CUX1: variants seen among roughly 807,000 people sequenced by gnomAD.
CUX1 encodes protein CASP.
Under a neutral mutation model 158.8 loss-of-function variants are expected in CUX1, and 31 were observed. The observed-to-expected ratio is 0.20, with a 90% CI of 0.15 to 0.26. The LOEUF is 0.26. Ranked by LOEUF, CUX1 falls within the 10% of genes least tolerant of loss-of-function variation. The pLI is 1.00. For synonymous variants in CUX1, 879 were observed against 862.1 expected, an observed-to-expected ratio of 1.02 and a Z score of -0.34; for missense variants, 1,589 against 2,014.6, an observed-to-expected ratio of 0.79 and a Z score of 4.04.
At chr7:102,274,255 G>A in exon 16 of CUX1, 1 of 1,613,486 alleles carries the variant, frequency 6.2e-7, no homozygotes, top group Non-Finnish European at 8.5e-7. Context: ...GTGCCGCTGA[G>A]CACCGCCTGG....
intron 2 of CUX1, among the ~76,000 whole-genome samples, chr7:101,977,835 C>G (rs1249037400): frequency 6.6e-6 from 1 of 152,098 alleles, no homozygotes; most frequent in African/African-American, 2.4e-5. Flanking sequence ...CTAGGAATTT[C>G]AAGCTGCAAT....
At chr7:101,826,524 C>T (rs1013037880) in intron 1 of CUX1, among the ~76,000 whole-genome samples, 1 of 152,144 alleles carries the variant, frequency 6.6e-6, no homozygotes, top group Non-Finnish European at 1.5e-5. Flanking sequence ...TCATGCATTC[C>T]TTTTTCTTTT....
rs10633602 is a variant in CUX1, at chr7:102,117,397, C to CAA, written c.674+2145_674+2146dup. Among the ~76,000 whole-genome samples the CAA allele has an allele frequency of 1.7e-3, 81 of 46,592 alleles. 6 individuals carry two copies. The highest frequency in any genetic ancestry group is 6.4e-3 in the East Asian group (8 of 1,258). 30.6% of individuals were successfully genotyped at this position (46,592 alleles called of 152,430 possible). ...TGGGCTACAGAGCCAGACTCCATCG[C>CAA]AAAAAAAAAAAAAAAAAAAAAAGGT... On this transcript the variant is annotated intron_variant, in intron 8 of 23. Coordinates refer to ENST00000292535, the MANE Select transcript of CUX1 (RefSeq NM_181552.4).
At chr7:102,065,025 A>T (rs578135746) in intron 3 of CUX1, among the ~76,000 whole-genome samples, 2 of 152,172 alleles carry the variant, frequency 1.3e-5, no homozygotes, top group African/African-American at 4.8e-5. Context: ...GGGACAACCT[A>T]CCACAGACTG....
At chr7:102,045,244 C>G (rs1040495265) in intron 3 of CUX1, among the ~76,000 whole-genome samples, 28 of 152,222 alleles carry the variant, frequency 1.8e-4, no homozygotes, top group African/African-American at 6.8e-4. Flanking sequence ...AGGGATCTAA[C>G]CTTGCATAAC....
At chr7:102,143,970 C>G (rs797043641) in intron 8 of CUX1, among the ~76,000 whole-genome samples, 11 of 151,994 alleles carry the variant, frequency 7.2e-5, no homozygotes, top group African/African-American at 2.4e-4. Context: ...TTAGTAGAGA[C>G]GAGCCTTTAC....
chr7:102,033,817 C>T (rs1442339571), intron 3 of CUX1, among the ~76,000 whole-genome samples: 1 of 151,782 alleles, frequency 6.6e-6, no homozygotes, highest in Admixed American at 6.6e-5. Context: ...GATACCAAAA[C>T]AAGACAAGAA....
At chr7:101,871,340 C>T (rs1463419463) in intron 1 of CUX1, among the ~76,000 whole-genome samples, 3 of 144,150 alleles carry the variant, frequency 2.1e-5, no homozygotes, top group African/African-American at 7.7e-5. Context: ...TTTTTGTTAA[C>T]ACCCATCATA....
intron 1 of CUX1, among the ~76,000 whole-genome samples, chr7:101,841,927 T>A (rs1795230798): frequency 6.6e-6 from 1 of 152,220 alleles, no homozygotes; most frequent in Non-Finnish European, 1.5e-5. Context: ...AACTGTAACA[T>A]TTCTGCTAAG....
At chr7:102,283,106 C>T in exon 23 of CUX1, 2 of 1,609,770 alleles carry the variant, frequency 1.2e-6, no homozygotes, top group Non-Finnish European at 8.5e-7. Flanking sequence ...CGGGGCCTCC[C>T]CCGTGACAGT....
intron 1 of CUX1, among the ~76,000 whole-genome samples, chr7:101,860,076 C>T (rs898647603): frequency 6.6e-6 from 1 of 151,750 alleles, no homozygotes; most frequent in Admixed American, 6.6e-5. Flanking sequence ...GTCTCTCCCC[C>T]CTTCTCCCCT....
chr7:101,840,933 G>A (rs1045892213), intron 1 of CUX1, among the ~76,000 whole-genome samples: 2 of 151,064 alleles, frequency 1.3e-5, no homozygotes, highest in South Asian at 2.1e-4. Flanking sequence ...TTGCTCTATC[G>A]CCCAGGCTGG....
At chr7:102,225,116 G>C (rs782250357) in intron 20 of CUX1, among the ~76,000 whole-genome samples, 3 of 152,150 alleles carry the variant, frequency 2.0e-5, no homozygotes, top group Non-Finnish European at 2.9e-5. Context: ...TGATTTGTAA[G>C]ATTCACATTG....
chr7:101,862,390 A>G (rs1797547873), intron 1 of CUX1, among the ~76,000 whole-genome samples: 1 of 152,080 alleles, frequency 6.6e-6, no homozygotes, highest in Admixed American at 6.5e-5. Flanking sequence ...CACGCTGTGC[A>G]GTTGGCTTTA....
At chr7:101,972,400 G>A (rs1017565192) in intron 2 of CUX1, among the ~76,000 whole-genome samples, 4 of 152,196 alleles carry the variant, frequency 2.6e-5, no homozygotes, top group African/African-American at 9.7e-5. Flanking sequence ...ATACCGTTCG[G>A]GGACAAAGAG....
At chr7:101,882,806 C>T (rs1012369189) in intron 1 of CUX1, among the ~76,000 whole-genome samples, 29 of 152,156 alleles carry the variant, frequency 1.9e-4, no homozygotes, top group Admixed American at 1.3e-4. Flanking sequence ...TCTTGGTGAC[C>T]GGCGCCCTCT....
intron 3 of CUX1, among the ~76,000 whole-genome samples, chr7:102,039,018 A>G (rs1220269943): frequency 6.6e-6 from 1 of 152,206 alleles, no homozygotes; most frequent in African/African-American, 2.4e-5. Context: ...AATAGTTAAC[A>G]TATGAAAACA....
intron 8 of CUX1, among the ~76,000 whole-genome samples, chr7:102,130,115 A>T (rs1184117971): frequency 1.3e-5 from 2 of 152,148 alleles, no homozygotes; most frequent in Non-Finnish European, 2.9e-5. Flanking sequence ...TCCAATTGCC[A>T]GAAAGACAGT....
intron 2 of CUX1, among the ~76,000 whole-genome samples, chr7:102,020,894 AAAAG>A (rs1189882297): frequency 3.3e-5 from 5 of 151,956 alleles, no homozygotes. Flanking sequence ...AAAAAAAAAA[AAAAG>A]AAATTACAAA....
Sources: allele counts gnomAD v4.1 joint callset (sites outside exome capture counted in the v4.1 genomes callset), GRCh38; gene constraint gnomAD v4.1.1; transcripts MANE v1.5; gene names NCBI Gene and HGNC (gene_info 2026-07-23, HGNC 2026-07-21).